ZNF112: variants seen among roughly 807,000 people sequenced by gnomAD.
The protein encoded by ZNF112 is zinc finger protein 112 (Y14).
In ZNF112, 37 loss-of-function variants were observed where a neutral mutation model predicts 77.7. The observed-to-expected ratio is 0.48, with a 90% CI of 0.37 to 0.63. The LOEUF (loss-of-function observed/expected upper bound fraction) is 0.63, where lower values mean the gene tolerates loss of function less well. Ranked by LOEUF, ZNF112 falls within the 20% of genes least tolerant of loss-of-function variation. The pLI, the probability that ZNF112 is intolerant of heterozygous loss-of-function variation, is 0.00. For synonymous variants in ZNF112, 333 were observed against 363.6 expected (o/e 0.92, Z 0.96); for missense variants, 950 against 1,077.4 (o/e 0.88, Z 1.66).
chr19:44,359,361 T>C (rs1158773049), upstream of ZNF112, among the ~76,000 whole-genome samples: 4 of 139,520 alleles, frequency 2.9e-5, no homozygotes, highest in Non-Finnish European at 4.5e-5. Flanking sequence ...TCTCGCTCTG[T>C]TCCCCGGGCT....
intron 2 of ZNF112, 106 bp downstream of exon 2, chr19:44,340,310 C>T (rs1970466189): frequency 1.3e-6 from 2 of 1,489,268 alleles, no homozygotes; most frequent in Non-Finnish European, 1.8e-6. Flanking sequence ...CTCTCGGGCA[C>T]CTAATCTCAG....
In ZNF112 at chr19:44,328,532, G is replaced by A. The variant is rs1344364844; in HGVS notation, c.1625C>T (p.Thr542Ile). The A allele has an allele frequency of 6.2e-7, 1 of 1,606,348 alleles. No homozygotes were observed. The highest frequency in any genetic ancestry group is 8.5e-7 in the Non-Finnish European group (1 of 1,175,098). ...CTCGCATTTATAAGGTTTCTCTCCT[G>A]TGTGGACTCTCTGATGAACATTCAG... ...SVLNVHQRVHTGEKPYKCEEC... is the reference protein window; with the variant it reads ...SVLNVHQRVHIGEKPYKCEEC... The change falls in exon 4 of 4, where the codon ACA (threonine) becomes ATA (isoleucine). Residue 542 changes from threonine (T) to isoleucine (I), a missense_variant. This residue lies in a region of ZNF112 where 373 missense variants were observed against 482.8 expected (regional missense o/e 0.77). Transcript: ENST00000354340.
intron 1 of ZNF112, among the ~76,000 whole-genome samples, chr19:44,366,466 G>A (rs1970905426): frequency 6.6e-6 from 1 of 152,018 alleles, no homozygotes. Context: ...GAAGAGAGAT[G>A]ACACGGCAAG....
chr19:44,333,770 C>T (rs897952876), intron 3 of ZNF112, among the ~76,000 whole-genome samples: 1 of 152,198 alleles, frequency 6.6e-6, no homozygotes, highest in African/African-American at 2.4e-5. Flanking sequence ...GTCAATTAAA[C>T]CTCTTTTCTT....
chr19:44,340,275 C>G, intron 2 of ZNF112, 141 bp downstream of exon 2: 2 of 1,122,430 alleles, frequency 1.8e-6, no homozygotes, highest in Non-Finnish European at 2.5e-6. Context: ...AACATCTTGT[C>G]TGTGTTGCAC....
intron 2 of ZNF112, among the ~76,000 whole-genome samples, 173 bp from the exon 3 acceptor site, chr19:44,336,891 T>C (rs1408988861): frequency 6.7e-6 from 1 of 149,296 alleles, no homozygotes; most frequent in Admixed American, 6.6e-5. Flanking sequence ...TTTTTTTTTT[T>C]AAATAGGCTC....
rs570953592 is a variant in ZNF112, at chr19:44,345,676, T to C, written c.-3-5134A>G. On this transcript the variant is annotated intron_variant, in intron 1 of 3. Coordinates refer to ENST00000354340, the MANE Select transcript of ZNF112 (RefSeq NM_013380.4). The stretch of plus-strand genomic sequence containing the variant: ...TTCTTGGTTAAAACAAGTGCATAGC[T>C]GCCTTTGGGATAAAGTCTAGATTCT... Among the ~76,000 whole-genome samples the C allele has an allele frequency of 6.4e-4, 98 of 152,358 alleles. 1 individual carries two copies. The South Asian group carries it at 0.02, about 31-fold the overall frequency.
intron 1 of ZNF112, among the ~76,000 whole-genome samples, chr19:44,365,170 C>T (rs1970891295): frequency 6.6e-6 from 1 of 151,932 alleles, no homozygotes; most frequent in Non-Finnish European, 1.5e-5. Context: ...ATATATCAGG[C>T]CAGGCAGGTG....
At chr19:44,367,194 G>A in exon 1 of ZNF112, 3 of 454,502 alleles carry the variant, frequency 6.6e-6, no homozygotes, top group Non-Finnish European at 1.3e-5. Flanking sequence ...TCAACTTCCT[G>A]AAAGGAATGA....
At chr19:44,366,767 G>T (rs775563087) in intron 1 of ZNF112, among the ~76,000 whole-genome samples, 7 of 151,164 alleles carry the variant, frequency 4.6e-5, no homozygotes, top group African/African-American at 7.3e-5. Flanking sequence ...GCTCATAGAA[G>T]CTTTCAGGTA....
At chr19:44,356,876 A>G (rs914610671), upstream of ZNF112, among the ~76,000 whole-genome samples, 8 of 152,174 alleles carry the variant, frequency 5.3e-5, no homozygotes, top group South Asian at 2.1e-4. Flanking sequence ...AGCCTGGATG[A>G]TATTTCACAT....
Position 44,327,277 on chromosome 19 carries a change from C to T in ZNF112, c.*156G>A, listed in dbSNP as rs1445812777. On this transcript the variant is annotated 3_prime_UTR_variant, in exon 4 of 4. Transcript: ENST00000354340. ...ATGTTAAAGTTCTAACAAAATCCCT[C>T]GTGAAACCCCTCTCATTAAATGTCT... 1.5e-5 allele frequency: 9 copies of T among 613,832 alleles called. No homozygotes were observed. Among genetic ancestry groups the T allele is most frequent in the South Asian group, 7.3e-5 (3 of 40,934 alleles). 38.0% of individuals were successfully genotyped at this position (613,832 alleles called of 1,614,324 possible). A position where few individuals can be genotyped will look rare whatever the true frequency, so the allele number is the denominator to read the frequency against.
intron 1 of ZNF112, among the ~76,000 whole-genome samples, chr19:44,353,980 AATAG>A (rs1477339121): frequency 6.6e-6 from 1 of 152,184 alleles, no homozygotes; most frequent in Non-Finnish European, 1.5e-5. Context: ...TCAACCAGAG[AATAG>A]ATAAACTGTG....
chr19:44,340,707 CAAGAA>C (rs1970474295), intron 1 of ZNF112, among the ~76,000 whole-genome samples, 165 bp from the exon 2 acceptor site: 1 of 152,198 alleles, frequency 6.6e-6, no homozygotes, highest in Non-Finnish European at 1.5e-5. Context: ...AAAAGGGCTG[CAAGAA>C]AAGAAATCCT....
chr19:44,358,385 C>T (rs1772793249), upstream of ZNF112, among the ~76,000 whole-genome samples: 1 of 152,032 alleles, frequency 6.6e-6, no homozygotes, highest in African/African-American at 2.4e-5. Flanking sequence ...TGATTTGGAA[C>T]AAACATCTGG....
intron 1 of ZNF112, 35 bp downstream of exon 1, chr19:44,356,591 C>CGGAAGGAGCA (rs919683642): frequency 1.6e-4 from 24 of 152,468 alleles, no homozygotes; most frequent in African/African-American, 4.3e-4. Context: ...TCAGTATGGA[C>CGGAAGGAGCA]GGAAGGAGCA....
intron 1 of ZNF112, among the ~76,000 whole-genome samples, chr19:44,350,740 G>A (rs1970675882): frequency 6.6e-6 from 1 of 152,052 alleles, no homozygotes; most frequent in Non-Finnish European, 1.5e-5. Context: ...AATTGTAGCA[G>A]TGTTTTCAGA....
rs1323028218 is a variant in ZNF112, at chr19:44,328,401, G to A, written c.1756C>T (p.Arg586Ter). The A allele has an allele frequency of 4.3e-6, 7 of 1,611,522 alleles. No individual in the cohort carries two copies. The highest frequency in any genetic ancestry group is 5.9e-6 in the Non-Finnish European group (7 of 1,179,264). ...TGATGGCCTTGAAGGTATGAATTTC[G>A]ACTGAACCCCTTCCCACATTCCTCA... The part of the protein sequence containing the change: ...KCEECGKGFS[R>*]NSYLQGHQRV... Residue 586 changes from arginine to a stop codon, truncating the protein, a stop_gained, in exon 4 of 4, where the codon CGA becomes TGA. Coordinates refer to ENST00000354340, the MANE Select transcript of ZNF112 (RefSeq NM_013380.4). LOFTEE classifies it high-confidence loss of function.
upstream of ZNF112, among the ~76,000 whole-genome samples, chr19:44,358,274 A>G (rs1043890327): frequency 1.3e-4 from 19 of 149,682 alleles, no homozygotes; most frequent in Admixed American, 1.2e-3. Context: ...GATCAATCTG[A>G]TAATAGGGGA....
Sources: allele counts gnomAD v4.1 joint callset (sites outside exome capture counted in the v4.1 genomes callset), GRCh38; gene constraint gnomAD v4.1.1; regional missense constraint gnomAD v4.1.1; transcripts MANE v1.5; gene names NCBI Gene and HGNC (gene_info 2026-07-23, HGNC 2026-07-21).